Variants in CSMD1 observed in about 807,000 individuals in gnomAD.
The protein encoded by CSMD1 is CUB and sushi domain-containing protein 1.
In CSMD1, 213 loss-of-function variants were observed where a neutral mutation model predicts 417.5. The observed-to-expected ratio is 0.51, with a 90% CI of 0.46 to 0.57. The LOEUF is 0.57. Among genes scored for constraint, CSMD1 ranks in the 20% least tolerant of loss-of-function variants. The probability of loss-of-function intolerance (pLI) is 0.00; values close to 1 mark genes in which losing one functional copy is unlikely to be tolerated. For missense variants in CSMD1, 6,923 were observed against 4,529.7 expected (o/e 1.53, Z -15.17); for synonymous variants, 2,862 against 1,736.8 (o/e 1.65, Z -16.11).
intron 3 of CSMD1, among the ~76,000 whole-genome samples, chr8:4,167,270 T>G (rs1797508338): frequency 6.6e-6 from 1 of 152,154 alleles, no homozygotes; most frequent in African/African-American, 2.4e-5. Context: ...AGTTTTTCCT[T>G]GCAGTTTAGA....
At chr8:4,272,938 G>T (rs62481989) in intron 3 of CSMD1, among the ~76,000 whole-genome samples, 1 of 152,116 alleles carries the variant, frequency 6.6e-6, no homozygotes, top group Non-Finnish European at 1.5e-5. Context: ...TGTAAGAAAG[G>T]AAATTAGTTC....
At chr8:3,947,439 T>TA (rs1811307873) in intron 5 of CSMD1, among the ~76,000 whole-genome samples, 1 of 152,224 alleles carries the variant, frequency 6.6e-6, no homozygotes, top group Admixed American at 6.5e-5. Flanking sequence ...ACAACATTTT[T>TA]AAAAGGTTTT....
At chr8:4,605,581 G>C (rs1322428059) in intron 2 of CSMD1, among the ~76,000 whole-genome samples, 1 of 152,132 alleles carries the variant, frequency 6.6e-6, no homozygotes, top group Non-Finnish European at 1.5e-5. Context: ...GACTTTGGGA[G>C]GCAAAATCAT....
intron 21 of CSMD1, among the ~76,000 whole-genome samples, chr8:3,349,757 T>C (rs995610393): frequency 1.4e-5 from 2 of 145,878 alleles, no homozygotes; most frequent in African/African-American, 2.5e-5. Flanking sequence ...TATATAGTTA[T>C]AGCTATAAAA....
chr8:3,780,236 C>G (rs192076279), intron 5 of CSMD1, among the ~76,000 whole-genome samples: 3 of 152,318 alleles, frequency 2.0e-5, no homozygotes, highest in African/African-American at 7.2e-5. Context: ...TTAATCAAAT[C>G]AGCATTGTCT....
intron 12 of CSMD1, among the ~76,000 whole-genome samples, chr8:3,445,666 G>T (rs980552207): frequency 7.2e-5 from 11 of 152,234 alleles, no homozygotes; most frequent in African/African-American, 2.6e-4. Flanking sequence ...GTAGAAATAC[G>T]TCGGAACTAG....
chr8:3,108,040 T>G (rs1315094912), intron 44 of CSMD1, among the ~76,000 whole-genome samples: 1 of 152,174 alleles, frequency 6.6e-6, no homozygotes, highest in Non-Finnish European at 1.5e-5. Flanking sequence ...AAGTATACCA[T>G]TTAAATAAAC....
At chr8:4,215,742 C>T (rs758268215) in intron 3 of CSMD1, among the ~76,000 whole-genome samples, 21 of 152,088 alleles carry the variant, frequency 1.4e-4, no homozygotes, top group Admixed American at 7.2e-4. Flanking sequence ...ATGAGTAATA[C>T]TTCCTGTCAC....
At chr8:3,438,687 G>A (rs543759746) in intron 12 of CSMD1, among the ~76,000 whole-genome samples, 30 of 152,226 alleles carry the variant, frequency 2.0e-4, no homozygotes, top group African/African-American at 7.0e-4. Flanking sequence ...TGACTATTAT[G>A]ACTAAAGCTG....
chr8:3,844,402 T>C lies in CSMD1; in HGVS notation c.819-90360A>G, dbSNP rs73506800. Among the ~76,000 whole-genome samples, 959 of 152,278 alleles carry C rather than the reference T, an allele frequency of 6.3e-3. 11 individuals are homozygous for C. The highest frequency in any genetic ancestry group is 0.021 in the African/African-American group (864 of 41,556). On this transcript the variant is annotated intron_variant, in intron 5 of 69. Coordinates refer to ENST00000635120, the MANE Select transcript of CSMD1 (RefSeq NM_033225.6). The stretch of plus-strand genomic sequence containing the variant: ...ATACACCTCACTCACCAACAAATTA[T>C]TGACAAAGAATAATTCTAGAACCTT...
Position 3,652,811 on chromosome 8 carries a change from G to A in CSMD1, c.1010-36014C>T, listed in dbSNP as rs143997728. Among the ~76,000 whole-genome samples, 37 of 152,246 alleles carry A rather than the reference G, an allele frequency of 2.4e-4. No individual in the cohort carries two copies. The South Asian group carries it at 3.3e-3, about 14-fold the overall frequency. ...ACATATACCTGGAATATAAAGTCCT[G>A]GGGGCAAGACTTTGTTTTGCTCACT... On this transcript the variant is annotated intron_variant, in intron 7 of 69. Transcript: ENST00000635120.
At chr8:3,859,762 G>T (rs1289687123) in intron 5 of CSMD1, among the ~76,000 whole-genome samples, 1 of 152,148 alleles carries the variant, frequency 6.6e-6, no homozygotes, top group Non-Finnish European at 1.5e-5. Flanking sequence ...TGACAATCCT[G>T]AATACTGCTG....
At chr8:4,141,126 T>G (rs1245655494) in intron 3 of CSMD1, among the ~76,000 whole-genome samples, 1 of 151,222 alleles carries the variant, frequency 6.6e-6, no homozygotes, top group Non-Finnish European at 1.5e-5. Flanking sequence ...TACCTATGTT[T>G]CCTCCAAGAG....
chr8:4,802,899 G>T (rs372992793), intron 1 of CSMD1, among the ~76,000 whole-genome samples: 1 of 152,132 alleles, frequency 6.6e-6, no homozygotes, highest in Non-Finnish European at 1.5e-5. Context: ...TTTTCAAATC[G>T]TGTGACATTA....
At chr8:3,662,923 T>G (rs926770973) in intron 7 of CSMD1, among the ~76,000 whole-genome samples, 1 of 151,988 alleles carries the variant, frequency 6.6e-6, no homozygotes, top group Non-Finnish European at 1.5e-5. Flanking sequence ...GGTTGATAGG[T>G]GCAGCAAACC....
chr8:4,689,416 A>G (rs1806610990), intron 1 of CSMD1, among the ~76,000 whole-genome samples: 1 of 152,212 alleles, frequency 6.6e-6, no homozygotes, highest in African/African-American at 2.4e-5. Context: ...GTTTCATAAG[A>G]AATAAGAAAA....
chr8:4,236,442 C>A (rs903391828), intron 3 of CSMD1, among the ~76,000 whole-genome samples: 5 of 152,136 alleles, frequency 3.3e-5, no homozygotes, highest in African/African-American at 1.2e-4. Context: ...CCCCGGGTAA[C>A]ACTGTGACAT....
intron 3 of CSMD1, among the ~76,000 whole-genome samples, chr8:4,130,937 T>C (rs367743629): frequency 3.3e-5 from 5 of 152,120 alleles, no homozygotes; most frequent in Admixed American, 3.3e-4. Context: ...GCTTTCTGAA[T>C]ATCATATCTA....
At chr8:4,685,793 A>G (rs1213673438) in intron 1 of CSMD1, among the ~76,000 whole-genome samples, 1 of 152,164 alleles carries the variant, frequency 6.6e-6, no homozygotes. Flanking sequence ...GTCGGTGCAA[A>G]AGTAATTGGA....
Sources: allele counts gnomAD v4.1 joint callset (sites outside exome capture counted in the v4.1 genomes callset), GRCh38; gene constraint gnomAD v4.1.1; transcripts MANE v1.5; gene names NCBI Gene and HGNC (gene_info 2026-07-23, HGNC 2026-07-21).